SEMA6D: variants seen among roughly 807,000 people sequenced by gnomAD.
SEMA6D encodes semaphorin 6D.
In SEMA6D, 35 loss-of-function variants were observed where a neutral mutation model predicts 106.6. The observed-to-expected ratio is 0.33, with a 90% CI of 0.25 to 0.44. SEMA6D has a LOEUF of 0.44. Ranked by LOEUF, SEMA6D falls within the 20% of genes least tolerant of loss-of-function variation. SEMA6D has a pLI of 1.00. For synonymous variants in SEMA6D, 499 were observed against 487.7 expected (o/e 1.02, Z -0.31); for missense variants, 1,185 against 1,345.9 (o/e 0.88, Z 1.87).
At chr15:47,673,688 G>A (rs1444969237) in intron 4 of SEMA6D, among the ~76,000 whole-genome samples, 1 of 152,200 alleles carries the variant, frequency 6.6e-6, no homozygotes, top group Non-Finnish European at 1.5e-5. Context: ...GAAGGAAAAG[G>A]AGGGAGCTGT....
chr15:47,241,525 TCC>T (rs1490630604), intron 1 of SEMA6D, among the ~76,000 whole-genome samples: 1 of 152,014 alleles, frequency 6.6e-6, no homozygotes, highest in Non-Finnish European at 1.5e-5. Context: ...CCCCTTTCTC[TCC>T]CCTAGCTGAT....
At chr15:47,450,605 G>C (rs527598424) in intron 2 of SEMA6D, among the ~76,000 whole-genome samples, 4 of 152,058 alleles carry the variant, frequency 2.6e-5, no homozygotes, top group East Asian at 1.9e-4. Flanking sequence ...GATTTTTCTA[G>C]TGTGTGTGCT....
intron 2 of SEMA6D, among the ~76,000 whole-genome samples, chr15:47,444,714 G>A (rs1466711611): frequency 2.0e-5 from 3 of 152,086 alleles, no homozygotes; most frequent in Non-Finnish European, 4.4e-5. Flanking sequence ...ACACAGACAG[G>A]CAAGTGAAAG....
intron 4 of SEMA6D, among the ~76,000 whole-genome samples, chr15:47,695,908 T>C (rs368172804): frequency 2.6e-5 from 4 of 152,214 alleles, no homozygotes; most frequent in Non-Finnish European, 5.9e-5. Flanking sequence ...GTTTCACTAA[T>C]GTATTGTTAT....
At chr15:47,411,993 C>T (rs1288274092) in intron 1 of SEMA6D, among the ~76,000 whole-genome samples, 2 of 152,186 alleles carry the variant, frequency 1.3e-5, no homozygotes, top group African/African-American at 2.4e-5. Context: ...TGGCCCACAG[C>T]CAAAGTCTGT....
chr15:47,257,018 C>T (rs554495819), intron 1 of SEMA6D, among the ~76,000 whole-genome samples: 6 of 151,658 alleles, frequency 4.0e-5, no homozygotes, highest in African/African-American at 1.5e-4. Context: ...ACTGTCTTGA[C>T]CTTTCAGTAT....
chr15:47,455,420 A>G (rs1262714276), intron 2 of SEMA6D, among the ~76,000 whole-genome samples: 1 of 151,966 alleles, frequency 6.6e-6, no homozygotes, highest in Non-Finnish European at 1.5e-5. Flanking sequence ...ATGAAACTAC[A>G]TTCATGCATT....
rs142262685 is a variant in SEMA6D, at chr15:47,374,561, G to A, written c.-238-37832G>A. ...CTCTCTATTTCCTCCTGTCTAGAAAGCCCCTGTGAAGGCTAGTTGTCAATA... is the reference window on the plus strand; with the variant it reads ...CTCTCTATTTCCTCCTGTCTAGAAAACCCCTGTGAAGGCTAGTTGTCAATA... On this transcript the variant is annotated intron_variant, in intron 1 of 19. Coordinates refer to the SEMA6D transcript ENST00000558014. Among the ~76,000 whole-genome samples, 5 of 152,218 alleles carry A rather than the reference G, an allele frequency of 3.3e-5. No individual in the cohort carries two copies. In the East Asian group the frequency reaches 9.7e-4, roughly 29 times the overall value.
rs2032890727 is a variant in SEMA6D, at chr15:47,241,286, C to CA, written c.-239+56869dup. 4.6e-5 allele frequency: 7 copies of CA among 152,256 alleles called. No homozygotes were observed. In the South Asian group the frequency reaches 1.2e-3, roughly 27 times the overall value. 9.4% of individuals were successfully genotyped at this position (152,256 alleles called of 1,614,324 possible). A position where few individuals can be genotyped will look rare whatever the true frequency, so the allele number is the denominator to read the frequency against. ...AGTGTTAAACTTGGGGCTTGGGAATCAGAGTCCATCCTTGAATTTCACAAA... is the reference window on the plus strand; with the variant it reads ...AGTGTTAAACTTGGGGCTTGGGAATCAAGAGTCCATCCTTGAATTTCACAAA... On this transcript the variant is annotated intron_variant, in intron 1 of 19. Transcript: ENST00000558014.
intron 3 of SEMA6D, among the ~76,000 whole-genome samples, chr15:47,471,444 A>C (rs1200242695): frequency 6.6e-6 from 1 of 152,218 alleles, no homozygotes; most frequent in East Asian, 1.9e-4. Context: ...TTTGAAATCA[A>C]GTTATGATAT....
chr15:47,719,239 GACCATTCGGTA>G (rs1303367697), intron 1 of SEMA6D, among the ~76,000 whole-genome samples: 1 of 152,116 alleles, frequency 6.6e-6, no homozygotes, highest in Non-Finnish European at 1.5e-5. Flanking sequence ...GTTCTGGGGT[GACCATTCGGTA>G]ACTGATGTTC....
chr15:47,367,727 C>CACAG (rs1555428992), intron 1 of SEMA6D, among the ~76,000 whole-genome samples: 3 of 148,022 alleles, frequency 2.0e-5, no homozygotes, highest in African/African-American at 7.6e-5. Context: ...CACACACACA[C>CACAG]AGAGAGAGAG....
At chr15:47,500,391 A>T (rs1410208391) in intron 3 of SEMA6D, among the ~76,000 whole-genome samples, 2 of 152,064 alleles carry the variant, frequency 1.3e-5, no homozygotes, top group Non-Finnish European at 1.5e-5. Flanking sequence ...TGACTTTATT[A>T]AATATATTTA....
At chr15:47,350,276 C>A (rs1318076631) in intron 1 of SEMA6D, among the ~76,000 whole-genome samples, 1 of 152,114 alleles carries the variant, frequency 6.6e-6, no homozygotes, top group Non-Finnish European at 1.5e-5. Flanking sequence ...AGAAACTAAG[C>A]AAATAATAGG....
chr15:47,570,167 G>A (rs527339834), intron 3 of SEMA6D, among the ~76,000 whole-genome samples: 9 of 151,766 alleles, frequency 5.9e-5, no homozygotes, highest in East Asian at 1.9e-4. Context: ...AAAAAATTTC[G>A]AAATCTGACT....
intron 3 of SEMA6D, among the ~76,000 whole-genome samples, chr15:47,550,959 G>A (rs904973828): frequency 2.6e-5 from 4 of 152,078 alleles, no homozygotes; most frequent in South Asian, 4.1e-4. Context: ...CATAAAATAG[G>A]CATAAATTCC....
chr15:47,309,131 A>T (rs373186166), intron 1 of SEMA6D, among the ~76,000 whole-genome samples: 6 of 152,342 alleles, frequency 3.9e-5, no homozygotes, highest in African/African-American at 1.4e-4. Flanking sequence ...AATAAGTTGA[A>T]AATACATTTA....
At chr15:47,287,541 A>G (rs948908005) in intron 1 of SEMA6D, among the ~76,000 whole-genome samples, 2 of 152,030 alleles carry the variant, frequency 1.3e-5, no homozygotes, top group Admixed American at 6.5e-5. Flanking sequence ...GCAGAGTAGA[A>G]AAAGGCAAAT....
At chr15:47,189,506 A>G (rs1040962147) in intron 1 of SEMA6D, among the ~76,000 whole-genome samples, 1 of 152,200 alleles carries the variant, frequency 6.6e-6, no homozygotes, top group African/African-American at 2.4e-5. Context: ...TGAGAGAAAA[A>G]AAACCCCAAA....
Sources: gnomAD v4.1 joint callset for allele counts (sites outside exome capture counted in the v4.1 genomes callset) on GRCh38, gnomAD v4.1.1 for gene constraint, MANE v1.5 for transcripts, NCBI Gene and HGNC (gene_info 2026-07-23, HGNC 2026-07-21) for gene names.